Variants in NLGN1 observed in about 807,000 individuals in gnomAD.
NLGN1 encodes neuroligin 1.
Under a neutral mutation model 65.5 loss-of-function variants are expected in NLGN1, and 12 were observed. The ratio of observed to expected loss-of-function variants is 0.18; its 90% CI spans 0.12 to 0.30. NLGN1 has a LOEUF of 0.30. Ranked by LOEUF, NLGN1 falls within the 10% of genes least tolerant of loss-of-function variation. The pLI is 1.00. For missense variants in NLGN1, 750 were observed against 1,007.1 expected (o/e 0.74, Z 3.46); for synonymous variants, 350 against 359.5 (o/e 0.97, Z 0.30).
chr3:173,672,754 T>C (rs563049983), intron 3 of NLGN1, among the ~76,000 whole-genome samples: 1 of 152,248 alleles, frequency 6.6e-6, no homozygotes, highest in Non-Finnish European at 1.5e-5. Context: ...TAACATTTTA[T>C]AATTTTATTC....
chr3:173,791,493 C>A (rs1038633232), intron 3 of NLGN1, among the ~76,000 whole-genome samples: 2 of 150,860 alleles, frequency 1.3e-5, no homozygotes, highest in South Asian at 2.1e-4. Flanking sequence ...CCTTCCAAAT[C>A]CATTGGCTTG....
At chr3:173,398,248 G>T (rs572148170), upstream of NLGN1, among the ~76,000 whole-genome samples, 1 of 152,288 alleles carries the variant, frequency 6.6e-6, no homozygotes, top group East Asian at 1.9e-4. Context: ...TAGTTCTGGG[G>T]TTGGTTCCGC....
chr3:174,124,571 A>G (rs1224791953), intron 4 of NLGN1, among the ~76,000 whole-genome samples: 1 of 147,048 alleles, frequency 6.8e-6, no homozygotes, highest in Non-Finnish European at 1.5e-5. Flanking sequence ...ATATATACGT[A>G]TACACATATA....
At chr3:173,712,067 C>A (rs991467892) in intron 3 of NLGN1, among the ~76,000 whole-genome samples, 10 of 152,142 alleles carry the variant, frequency 6.6e-5, no homozygotes, top group African/African-American at 2.4e-4. Flanking sequence ...CTTTAAAAAG[C>A]AAACTAAATA....
rs557434848 is a variant in NLGN1, at chr3:173,848,177, T to C, written c.646+40345T>C. ...ATAGTGATAATTACAGTATCTAATG[T>C]AGTATGACAATTTAGTTAGCTCACA... On this transcript the variant is annotated intron_variant, in intron 4 of 6. Coordinates refer to ENST00000457714, the Ensembl canonical transcript of NLGN1. Among the ~76,000 whole-genome samples, 17 of 152,310 alleles carry C rather than the reference T, an allele frequency of 1.1e-4. No homozygotes were observed. The South Asian group carries it at 2.9e-3, about 26-fold the overall frequency.
chr3:173,926,533 T>C (rs1396550283), intron 4 of NLGN1, among the ~76,000 whole-genome samples: 1 of 152,206 alleles, frequency 6.6e-6, no homozygotes, highest in African/African-American at 2.4e-5. Flanking sequence ...TACCGGTGTA[T>C]ACATCCATGT....
At chr3:173,419,017 C>CTT (rs1714402944) in intron 1 of NLGN1, among the ~76,000 whole-genome samples, 2 of 11,280 alleles carry the variant, frequency 1.8e-4, no homozygotes, top group Non-Finnish European at 3.3e-4. Context: ...CTTTCTTCTT[C>CTT]TTCTTTTTTT....
intron 2 of NLGN1, among the ~76,000 whole-genome samples, chr3:173,442,524 C>T (rs1466166827): frequency 6.6e-6 from 1 of 152,054 alleles, no homozygotes; most frequent in Non-Finnish European, 1.5e-5. Context: ...TTTGTAACTT[C>T]ACTTTGTTAG....
chr3:173,885,339 C>T (rs1195665474), intron 4 of NLGN1, among the ~76,000 whole-genome samples: 1 of 151,802 alleles, frequency 6.6e-6, no homozygotes, highest in African/African-American at 2.4e-5. Context: ...TCATTTGAAG[C>T]ACCTTATATA....
chr3:174,286,715 A>G (rs1033203841), downstream of NLGN1: 1 of 151,592 alleles, frequency 6.6e-6, no homozygotes, highest in Non-Finnish European at 1.5e-5. Flanking sequence ...GGTTACTAAG[A>G]TAAGTGTTTT....
At chr3:173,914,536 TACAC>T (rs10576275) in intron 4 of NLGN1, among the ~76,000 whole-genome samples, 8 of 142,232 alleles carry the variant, frequency 5.6e-5, no homozygotes, top group South Asian at 2.2e-4. Context: ...CATCTATACA[TACAC>T]ACACACACAC....
At chr3:173,953,059 G>A (rs565300234) in intron 4 of NLGN1, among the ~76,000 whole-genome samples, 4 of 152,046 alleles carry the variant, frequency 2.6e-5, no homozygotes, top group African/African-American at 4.8e-5. Context: ...TATTACAGGC[G>A]TGAGCCACCG....
At chr3:174,128,403 A>G (rs80037066) in intron 4 of NLGN1, among the ~76,000 whole-genome samples, 1 of 152,214 alleles carries the variant, frequency 6.6e-6, no homozygotes, top group East Asian at 1.9e-4. Flanking sequence ...TATGTGGGAT[A>G]GATAAGAATT....
intron 3 of NLGN1, among the ~76,000 whole-genome samples, chr3:173,616,649 C>T (rs77040433): frequency 0.027 from 4,046 of 152,202 alleles, 138 homozygotes; most frequent in Admixed American, 0.098. Context: ...AGGACACCTG[C>T]AGACACCATC....
intron 3 of NLGN1, among the ~76,000 whole-genome samples, chr3:173,790,182 A>G (rs921758039): frequency 2.0e-5 from 3 of 151,986 alleles, no homozygotes; most frequent in Admixed American, 6.6e-5. Flanking sequence ...GTGTGTGTGT[A>G]TATATATACA....
At chr3:173,514,875 C>T (rs528498987) in intron 2 of NLGN1, among the ~76,000 whole-genome samples, 1 of 152,272 alleles carries the variant, frequency 6.6e-6, no homozygotes, top group African/African-American at 2.4e-5. Flanking sequence ...TTATTGTATG[C>T]ATATACCAAA....
intron 3 of NLGN1, among the ~76,000 whole-genome samples, chr3:173,660,363 A>AT (rs11388898): frequency 0.6 from 90,072 of 149,758 alleles, 27,074 homozygotes; most frequent in East Asian, 0.71. Flanking sequence ...TCCTTATTTT[A>AT]TTTTTTTTTT....
At chr3:173,569,443 T>A (rs978205598) in intron 2 of NLGN1, among the ~76,000 whole-genome samples, 30 of 152,138 alleles carry the variant, frequency 2.0e-4, no homozygotes, top group Admixed American at 9.2e-4. Flanking sequence ...ATCAAAAATC[T>A]TTACTATATT....
chr3:174,117,592 G>A (rs983078559), intron 4 of NLGN1, among the ~76,000 whole-genome samples: 4 of 150,932 alleles, frequency 2.7e-5, no homozygotes, highest in Non-Finnish European at 4.4e-5. Flanking sequence ...CTGCACTCCA[G>A]CCTGGGCAAT....
Sources: gnomAD v4.1 joint callset for allele counts (sites outside exome capture counted in the v4.1 genomes callset) on GRCh38, gnomAD v4.1.1 for gene constraint, MANE v1.5 for transcripts, NCBI Gene and HGNC (gene_info 2026-07-23, HGNC 2026-07-21) for gene names.